LRP1B: variants seen among roughly 807,000 people sequenced by gnomAD.
The protein encoded by LRP1B is low-density lipoprotein receptor-related protein 1B.
LRP1B carries 217 observed loss-of-function variants against 556.6 expected under a neutral mutation model. That is an observed-to-expected ratio of 0.39 (90% confidence interval 0.35 to 0.44). The LOEUF (loss-of-function observed/expected upper bound fraction) is 0.44. Ranked by LOEUF, LRP1B falls within the 20% of genes least tolerant of loss-of-function variation. The probability of loss-of-function intolerance (pLI) is 1.00; values close to 1 mark genes in which losing one functional copy is unlikely to be tolerated. For missense variants in LRP1B, 5,053 were observed against 5,620.8 expected, an observed-to-expected ratio of 0.90 and a Z score of 3.23; for synonymous variants, 2,047 against 1,865.8, an observed-to-expected ratio of 1.10 and a Z score of -2.50.
At chr2:141,777,508 C>G (rs1225241292) in intron 2 of LRP1B, among the ~76,000 whole-genome samples, 1 of 151,964 alleles carries the variant, frequency 6.6e-6, no homozygotes, top group Non-Finnish European at 1.5e-5. Flanking sequence ...CTCCGCCTCC[C>G]GGGTTCAAGA....
chr2:140,324,950 G>T (rs981128695), intron 80 of LRP1B, among the ~76,000 whole-genome samples: 1 of 148,012 alleles, frequency 6.8e-6, no homozygotes, highest in African/African-American at 2.5e-5. Flanking sequence ...ATAAAAATTT[G>T]ATTTAGTTGT....
chr2:140,804,163 G>A (rs1201065902), intron 32 of LRP1B, among the ~76,000 whole-genome samples: 1 of 151,926 alleles, frequency 6.6e-6, no homozygotes, highest in Non-Finnish European at 1.5e-5. Flanking sequence ...AAGAGGTAAG[G>A]AATTTTCAAA....
chr2:141,195,164 G>A (rs1288701684), intron 6 of LRP1B, among the ~76,000 whole-genome samples: 1 of 151,986 alleles, frequency 6.6e-6, no homozygotes, highest in Admixed American at 6.6e-5. Flanking sequence ...ACTTCCATTC[G>A]GTTCTCTCTC....
chr2:141,889,318 T>G (rs1210954365), intron 1 of LRP1B, among the ~76,000 whole-genome samples: 1 of 152,208 alleles, frequency 6.6e-6, no homozygotes, highest in Non-Finnish European at 1.5e-5. Flanking sequence ...ATAAGAATGC[T>G]GTTTCTAAAC....
At chr2:141,179,892 CTTTTTT>C (rs11433781) in intron 7 of LRP1B, among the ~76,000 whole-genome samples, 1 of 126,010 alleles carries the variant, frequency 7.9e-6, no homozygotes, top group Non-Finnish European at 1.7e-5. Flanking sequence ...TTGGTTTTTC[CTTTTTT>C]TTTTTTTTTT....
At chr2:141,887,350 G>A (rs1312180751) in intron 1 of LRP1B, among the ~76,000 whole-genome samples, 2 of 152,130 alleles carry the variant, frequency 1.3e-5, no homozygotes, top group East Asian at 3.9e-4. Context: ...GGAATGAACA[G>A]GAATGGCATT....
chr2:140,376,962 A>G (rs1683259605), intron 68 of LRP1B, among the ~76,000 whole-genome samples: 1 of 151,442 alleles, frequency 6.6e-6, no homozygotes, highest in Non-Finnish European at 1.5e-5. Flanking sequence ...GGCCAAGTCT[A>G]TGGTCAGCGG....
At chr2:141,517,029 A>AAAAAAAAAAAAAAAAAAACAAAAAAAC (rs772472942) in intron 2 of LRP1B, among the ~76,000 whole-genome samples, 2 of 90,192 alleles carry the variant, frequency 2.2e-5, no homozygotes, top group African/African-American at 3.8e-5. Flanking sequence ...AAAAAAAAAA[A>AAAAAAAAAAAAAAAAAAACAAAAAAAC]AAAGTAAATC....
At chr2:140,246,539 G>T (rs2104897827) in intron 87 of LRP1B, among the ~76,000 whole-genome samples, 1 of 149,742 alleles carries the variant, frequency 6.7e-6, no homozygotes, top group African/African-American at 2.4e-5. Context: ...AAAAAAATTT[G>T]CAAAAATGTT....
intron 2 of LRP1B, among the ~76,000 whole-genome samples, chr2:141,699,194 CTTGAAAAAA>C (rs1558812518): frequency 6.6e-6 from 1 of 151,712 alleles, no homozygotes; most frequent in Non-Finnish European, 1.5e-5. Context: ...ATCTGGGGAG[CTTGAAAAAA>C]TTACTGATAC....
At chr2:141,192,053 T>C (rs948842306) in intron 6 of LRP1B, among the ~76,000 whole-genome samples, 7 of 151,938 alleles carry the variant, frequency 4.6e-5, no homozygotes, top group East Asian at 1.9e-4. Context: ...CTTTGAAGCA[T>C]TGAGATCTCA....
At chr2:141,014,821 C>T (rs1224704958) in intron 13 of LRP1B, among the ~76,000 whole-genome samples, 1 of 152,004 alleles carries the variant, frequency 6.6e-6, no homozygotes, top group Non-Finnish European at 1.5e-5. Flanking sequence ...AGGTTCAATG[C>T]CAACCAATTG....
At chr2:141,490,930 G>GT (rs67482957) in intron 2 of LRP1B, among the ~76,000 whole-genome samples, 56 of 135,764 alleles carry the variant, frequency 4.1e-4, no homozygotes, top group African/African-American at 1.4e-3. Flanking sequence ...AGGTTAAAAT[G>GT]TTTTTTTTTT....
chr2:140,260,991 G>A lies in LRP1B; in HGVS notation c.13247+9251C>T, dbSNP rs1409599524. 3.3e-5 allele frequency among the ~76,000 whole-genome samples: 5 copies of A among 150,954 alleles called. No individual in the cohort carries two copies. The East Asian group carries it at 9.7e-4, about 29-fold the overall frequency. ...GGACAGTGTCTGGTATATAGTAGTT[G>A]GTCAGTAAATATCTGTTGATGAGTG... On this transcript the variant is annotated intron_variant, in intron 86 of 90. Coordinates refer to ENST00000389484, the MANE Select transcript of LRP1B (RefSeq NM_018557.3).
intron 3 of LRP1B, among the ~76,000 whole-genome samples, chr2:141,325,039 A>C (rs1328186536): frequency 6.6e-6 from 1 of 152,018 alleles, no homozygotes; most frequent in Non-Finnish European, 1.5e-5. Context: ...ATTAGAAAGG[A>C]CTCTTCTTGC....
intron 89 of LRP1B, among the ~76,000 whole-genome samples, chr2:140,236,433 AT>A (rs1350777368): frequency 6.6e-6 from 1 of 151,076 alleles, no homozygotes; most frequent in African/African-American, 2.4e-5. Context: ...ATAATACTAA[AT>A]TGATACTCTT....
At chr2:140,579,860 A>C (rs1431134508) in intron 43 of LRP1B, among the ~76,000 whole-genome samples, 1 of 152,168 alleles carries the variant, frequency 6.6e-6, no homozygotes, top group African/African-American at 2.4e-5. Flanking sequence ...ATAATAAAAT[A>C]AAATAAAAAG....
chr2:140,755,123 A>G (rs368395380), intron 35 of LRP1B, among the ~76,000 whole-genome samples: 2 of 152,080 alleles, frequency 1.3e-5, no homozygotes, highest in Admixed American at 6.5e-5. Context: ...AAACTAAAAC[A>G]TAATGAAACA....
intron 1 of LRP1B, among the ~76,000 whole-genome samples, chr2:141,827,779 T>A (rs562685846): frequency 2.9e-4 from 44 of 152,310 alleles, no homozygotes; most frequent in African/African-American, 1.1e-3. Flanking sequence ...ATATTCATCA[T>A]ACTTTCTTTA....
Sources: gnomAD v4.1 joint callset for allele counts (sites outside exome capture counted in the v4.1 genomes callset) on GRCh38, gnomAD v4.1.1 for gene constraint, MANE v1.5 for transcripts, NCBI Gene and HGNC (gene_info 2026-07-23, HGNC 2026-07-21) for gene names.